The following RABGAP1L variants were observed in gnomAD, a reference collection of about 807,000 sequenced individuals.
RABGAP1L encodes the protein rab GTPase-activating protein 1-like.
In RABGAP1L, 63 loss-of-function variants were observed where a neutral mutation model predicts 137.7. The observed-to-expected ratio is 0.46, with a 90% CI of 0.37 to 0.56. The LOEUF is 0.56. RABGAP1L is among the 20% of genes least tolerant of loss of function. RABGAP1L has a pLI of 0.00. For synonymous variants in RABGAP1L, 431 were observed against 433.7 expected (o/e 0.99, Z 0.08); for missense variants, 1,095 against 1,244.0 (o/e 0.88, Z 1.80).
intron 19 of RABGAP1L, among the ~76,000 whole-genome samples, chr1:174,926,195 CTT>C (rs147173162): frequency 0.011 from 1,705 of 152,118 alleles, 35 homozygotes; most frequent in African/African-American, 0.04. Flanking sequence ...ATTAGTAAAA[CTT>C]ATTATAAATC....
At chr1:174,804,274 G>GTTTTTTTGTTTT (rs1553254972) in intron 18 of RABGAP1L, among the ~76,000 whole-genome samples, 1 of 138,154 alleles carries the variant, frequency 7.2e-6, no homozygotes, top group Non-Finnish European at 1.5e-5. Flanking sequence ...GTTTTGTTTT[G>GTTTTTTTGTTTT]TTTTTTGTTT....
At chr1:174,780,068 CAATA>C (rs367683847) in intron 18 of RABGAP1L, among the ~76,000 whole-genome samples, 35,912 of 90,578 alleles carry the variant, frequency 0.4, 4,817 homozygotes, top group East Asian at 0.46. Context: ...CTCCATCTTA[CAATA>C]AATAAATAAA....
intron 13 of RABGAP1L, among the ~76,000 whole-genome samples, chr1:174,559,477 G>A (rs1250402343): frequency 6.6e-6 from 1 of 152,140 alleles, no homozygotes; most frequent in Non-Finnish European, 1.5e-5. Context: ...ACACCAAACT[G>A]TGCTGGACTG....
At chr1:174,458,998 C>T (rs1656365883) in intron 13 of RABGAP1L, among the ~76,000 whole-genome samples, 1 of 152,032 alleles carries the variant, frequency 6.6e-6, no homozygotes, top group Admixed American at 6.6e-5. Flanking sequence ...TATAATTCAA[C>T]ACCAATGTAT....
intron 11 of RABGAP1L, among the ~76,000 whole-genome samples, chr1:174,345,929 GT>G (rs560117254): frequency 6.6e-6 from 1 of 151,002 alleles, no homozygotes; most frequent in African/African-American, 2.4e-5. Context: ...TCTGTATCCA[GT>G]TTTTTTTTGA....
At chr1:174,671,239 T>C (rs1199037881) in intron 14 of RABGAP1L, among the ~76,000 whole-genome samples, 1 of 152,322 alleles carries the variant, frequency 6.6e-6, no homozygotes, top group African/African-American at 2.4e-5. Flanking sequence ...GTACAGTCTT[T>C]AGGGTTTTCC....
In RABGAP1L at chr1:174,432,543, C is replaced by A. The variant is rs1652761900; in HGVS notation, c.1710+38398C>A. On this transcript the variant is annotated intron_variant, in intron 13 of 25. Coordinates refer to ENST00000681986, the MANE Select transcript of RABGAP1L (RefSeq NM_001366446.1). ...CAATGATATTTCTTTTCTTTTCTTTCTTTTTTTCTTTTTGAGAAGGAGTCT... is the reference window on the plus strand; with the variant it reads ...CAATGATATTTCTTTTCTTTTCTTTATTTTTTTCTTTTTGAGAAGGAGTCT... Among the ~76,000 whole-genome samples, 3 of 152,084 alleles carry A rather than the reference C, an allele frequency of 2.0e-5. No individual in the cohort carries two copies. In the South Asian group the frequency reaches 6.2e-4, roughly 32 times the overall value.
intron 13 of RABGAP1L, among the ~76,000 whole-genome samples, chr1:174,527,230 A>G (rs1233048376): frequency 1.4e-5 from 2 of 145,732 alleles, no homozygotes; most frequent in African/African-American, 5.1e-5. Context: ...TTGAGACAGA[A>G]TCTCACTCTG....
intron 13 of RABGAP1L, among the ~76,000 whole-genome samples, chr1:174,597,120 G>A (rs1422634188): frequency 1.3e-5 from 2 of 152,096 alleles, no homozygotes; most frequent in African/African-American, 4.8e-5. Context: ...TGGTTTGCTA[G>A]TATTTTGTTG....
chr1:174,709,023 G>A (rs1260873876), intron 17 of RABGAP1L, among the ~76,000 whole-genome samples: 1 of 152,188 alleles, frequency 6.6e-6, no homozygotes, highest in East Asian at 1.9e-4. Flanking sequence ...TGAGTACGCA[G>A]TTTTCCCCTC....
At chr1:174,169,816 G>A (rs556318114) in intron 1 of RABGAP1L, among the ~76,000 whole-genome samples, 59 of 151,660 alleles carry the variant, frequency 3.9e-4, no homozygotes, top group Middle Eastern at 3.4e-3. Context: ...TTCGTCTCAG[G>A]AGTAGCTGGT....
chr1:174,621,833 A>C (rs1226099155), intron 13 of RABGAP1L, among the ~76,000 whole-genome samples: 1 of 152,248 alleles, frequency 6.6e-6, no homozygotes, highest in African/African-American at 2.4e-5. Context: ...TAATGGCAAC[A>C]AAAGCCAGAA....
At chr1:174,539,309 A>G (rs1665162744) in intron 13 of RABGAP1L, among the ~76,000 whole-genome samples, 1 of 148,482 alleles carries the variant, frequency 6.7e-6, no homozygotes, top group African/African-American at 2.5e-5. Flanking sequence ...TTTCTTTATT[A>G]TACGTTAAGT....
intron 11 of RABGAP1L, among the ~76,000 whole-genome samples, chr1:174,350,126 C>G (rs1197589141): frequency 7.4e-6 from 1 of 134,792 alleles, no homozygotes; most frequent in Admixed American, 7.1e-5. Context: ...CACGGCTGGC[C>G]GGGTGGGGGG....
In RABGAP1L at chr1:174,388,914, C is replaced by T. The variant is rs190895341; in HGVS notation, c.1560-5081C>T. On this transcript the variant is annotated intron_variant, in intron 12 of 25. Coordinates refer to ENST00000681986, the MANE Select transcript of RABGAP1L (RefSeq NM_001366446.1). ...AAATTGGTACATAGCCACCTACTTC[C>T]ACCTCCTATCAAAATTTCTGTAATT... is the stretch of plus-strand genomic sequence containing the variant. Among the ~76,000 whole-genome samples, 3 of 152,116 alleles carry T rather than the reference C, an allele frequency of 2.0e-5. No individual in the cohort carries two copies. The East Asian group carries it at 5.8e-4, about 29-fold the overall frequency.
In RABGAP1L at chr1:174,947,560, G is replaced by C. The variant is rs1470641152; in HGVS notation, c.2341-9897G>C. On this transcript the variant is annotated intron_variant, in intron 19 of 25. Coordinates refer to ENST00000681986, the MANE Select transcript of RABGAP1L (RefSeq NM_001366446.1). ...AGCCTCCCGAGTAGCTGGGATTATA[G>C]GCATGAGCCACTGTGCCTGGCTAAT... 4.6e-5 allele frequency among the ~76,000 whole-genome samples: 7 copies of C among 151,770 alleles called. No individual in the cohort carries two copies. The East Asian group carries it at 1.4e-3, about 30-fold the overall frequency.
At chr1:174,976,265 T>C (rs1670633495) in intron 22 of RABGAP1L, 83 bp downstream of exon 22, 1 of 1,177,704 alleles carries the variant, frequency 8.5e-7, no homozygotes, top group Non-Finnish European at 1.2e-6. Context: ...GAAAATTAAA[T>C]TTCTTCTAAA....
At chr1:174,893,867 G>C (rs1192355586) in intron 19 of RABGAP1L, among the ~76,000 whole-genome samples, 3 of 152,134 alleles carry the variant, frequency 2.0e-5, no homozygotes, top group African/African-American at 7.2e-5. Context: ...TTCCCAGACT[G>C]TTCTTTGAGT....
chr1:174,333,625 T>C (rs1056468474), intron 11 of RABGAP1L, among the ~76,000 whole-genome samples: 1 of 152,176 alleles, frequency 6.6e-6, no homozygotes, highest in Non-Finnish European at 1.5e-5. Flanking sequence ...GAAGCAATTA[T>C]TCACGAAAAA....
Sources: allele counts gnomAD v4.1 joint callset (sites outside exome capture counted in the v4.1 genomes callset), GRCh38; gene constraint gnomAD v4.1.1; transcripts MANE v1.5; gene names NCBI Gene and HGNC (gene_info 2026-07-23, HGNC 2026-07-21).